THSD7B: variants seen among roughly 807,000 people sequenced by gnomAD.
The protein encoded by THSD7B is thrombospondin type-1 domain-containing protein 7B.
In THSD7B, 138 loss-of-function variants were observed where a neutral mutation model predicts 213.6. The ratio of observed to expected loss-of-function variants is 0.65; its 90% CI spans 0.56 to 0.74. The LOEUF is 0.74. Among genes scored for constraint, THSD7B ranks in the 30% least tolerant of loss-of-function variants. The pLI is 0.00. For synonymous variants in THSD7B, 742 were observed against 687.0 expected, an observed-to-expected ratio of 1.08 and a Z score of -1.25; for missense variants, 1,931 against 1,991.5, an observed-to-expected ratio of 0.97 and a Z score of 0.58.
At chr2:137,572,585 G>A in intron 17 of THSD7B, 29 bp downstream of exon 17, 1 of 1,612,124 alleles carries the variant, frequency 6.2e-7, no homozygotes, top group South Asian at 1.1e-5. Flanking sequence ...TCAATGCTCT[G>A]ATAATCTATT....
chr2:137,414,046 G>A (rs1460664174), intron 14 of THSD7B, among the ~76,000 whole-genome samples: 3 of 152,148 alleles, frequency 2.0e-5, no homozygotes, highest in Non-Finnish European at 4.4e-5. Context: ...GCATGAATTT[G>A]TGGAGGGTTT....
Position 136,766,415 on chromosome 2 carries a change from G to C in THSD7B, c.-36+728G>C, listed in dbSNP as rs578160093. Among the ~76,000 whole-genome samples the C allele has an allele frequency of 6.6e-5, 10 of 152,134 alleles. No individual in the cohort carries two copies. The East Asian group carries it at 1.2e-3, about 18-fold the overall frequency. On this transcript the variant is annotated intron_variant, in intron 1 of 27. Transcript: ENST00000409968. ...GGGCTTGAGAGTGAGGGGCAGGGAG[G>C]GGGGGACAGGCATATTTTCTACTGC... is the stretch of plus-strand genomic sequence containing the variant.
At chr2:137,519,526 C>G (rs917548315) in intron 15 of THSD7B, among the ~76,000 whole-genome samples, 1 of 152,150 alleles carries the variant, frequency 6.6e-6, no homozygotes, top group African/African-American at 2.4e-5. Flanking sequence ...GAGGGTTCAT[C>G]AGAAACAGAA....
intron 16 of THSD7B, among the ~76,000 whole-genome samples, chr2:137,567,337 T>G (rs1021002896): frequency 1.3e-5 from 2 of 151,766 alleles, no homozygotes; most frequent in African/African-American, 4.8e-5. Flanking sequence ...CCCAGCTAAT[T>G]TTTGTATTTT....
At chr2:137,358,823 T>C (rs958360442) in intron 12 of THSD7B, among the ~76,000 whole-genome samples, 1 of 152,202 alleles carries the variant, frequency 6.6e-6, no homozygotes, top group Non-Finnish European at 1.5e-5. Context: ...ACCATGGCTT[T>C]AGTAGCTCTA....
chr2:137,609,875 G>A (rs1032514570), intron 17 of THSD7B, among the ~76,000 whole-genome samples: 2 of 152,132 alleles, frequency 1.3e-5, no homozygotes, highest in African/African-American at 4.8e-5. Context: ...TGGCACAAAT[G>A]GTGAGAGGTA....
intron 2 of THSD7B, among the ~76,000 whole-genome samples, chr2:136,894,544 A>G (rs531108578): frequency 3.9e-5 from 6 of 152,328 alleles, no homozygotes; most frequent in African/African-American, 1.2e-4. Flanking sequence ...TTGATATTCT[A>G]TGTTACATAC....
chr2:137,420,856 G>T (rs867351457), intron 14 of THSD7B, among the ~76,000 whole-genome samples: 32 of 152,306 alleles, frequency 2.1e-4, no homozygotes, highest in African/African-American at 1.4e-4. Flanking sequence ...CTAGGTCAAA[G>T]TCAAGGTGTA....
At chr2:137,399,758 GT>G (rs1415896391) in intron 12 of THSD7B, among the ~76,000 whole-genome samples, 1 of 151,954 alleles carries the variant, frequency 6.6e-6, no homozygotes, top group Non-Finnish European at 1.5e-5. Context: ...GAATAAGGAT[GT>G]TTTCATCAGT....
intron 15 of THSD7B, among the ~76,000 whole-genome samples, chr2:137,509,963 G>A (rs757816790): frequency 5.9e-5 from 9 of 151,950 alleles, no homozygotes; most frequent in African/African-American, 1.9e-4. Flanking sequence ...TTTATTGTTC[G>A]TTTGGTTTTA....
intron 1 of THSD7B, among the ~76,000 whole-genome samples, chr2:136,865,196 G>A (rs1012846697): frequency 2.0e-5 from 3 of 152,184 alleles, no homozygotes; most frequent in African/African-American, 7.2e-5. Context: ...CATGTCCAGA[G>A]AAAGGGGCCA....
intron 15 of THSD7B, among the ~76,000 whole-genome samples, chr2:137,502,363 GAGAA>G (rs1276002027): frequency 6.6e-5 from 10 of 152,004 alleles, no homozygotes; most frequent in Non-Finnish European, 1.3e-4. Context: ...CACATATAAA[GAGAA>G]AGAGAGAGAG....
At chr2:136,930,826 TAATC>T (rs889967704) in intron 2 of THSD7B, among the ~76,000 whole-genome samples, 16 of 149,666 alleles carry the variant, frequency 1.1e-4, no homozygotes, top group African/African-American at 1.7e-4. Context: ...AAATAGGAAA[TAATC>T]AATTATTATA....
At chr2:137,341,997 A>T (rs1684772623) in intron 12 of THSD7B, among the ~76,000 whole-genome samples, 1 of 151,178 alleles carries the variant, frequency 6.6e-6, no homozygotes, top group Admixed American at 6.6e-5. Context: ...GCTCCATATG[A>T]ATTTTAGGGT....
At chr2:137,309,669 C>CA (rs1683844369) in intron 12 of THSD7B, among the ~76,000 whole-genome samples, 1 of 151,996 alleles carries the variant, frequency 6.6e-6, no homozygotes, top group Admixed American at 6.6e-5. Flanking sequence ...CCCCACCCCA[C>CA]AACAGTCCCC....
At chr2:136,809,628 C>A (rs1682345341) in intron 1 of THSD7B, among the ~76,000 whole-genome samples, 1 of 152,298 alleles carries the variant, frequency 6.6e-6, no homozygotes, top group Non-Finnish European at 1.5e-5. Context: ...CAAAGTTAGA[C>A]ACTCTGGCCG....
chr2:136,803,682 G>A (rs1473873107), intron 1 of THSD7B, among the ~76,000 whole-genome samples: 1 of 152,222 alleles, frequency 6.6e-6, no homozygotes, highest in African/African-American at 2.4e-5. Context: ...TGGCTCACAT[G>A]ATTATGGAGC....
At chr2:136,815,622 A>G (rs1682456825) in intron 1 of THSD7B, among the ~76,000 whole-genome samples, 1 of 152,250 alleles carries the variant, frequency 6.6e-6, no homozygotes, top group Non-Finnish European at 1.5e-5. Flanking sequence ...AGACTAAAAT[A>G]TTTAAATAAA....
intron 2 of THSD7B, among the ~76,000 whole-genome samples, chr2:136,903,531 A>G (rs1002740955): frequency 6.6e-6 from 1 of 152,158 alleles, no homozygotes; most frequent in Admixed American, 6.5e-5. Flanking sequence ...CTCAAAGGTG[A>G]TGCTGCCACA....
Sources: allele counts gnomAD v4.1 joint callset (sites outside exome capture counted in the v4.1 genomes callset), GRCh38; gene constraint gnomAD v4.1.1; transcripts MANE v1.5; gene names NCBI Gene and HGNC (gene_info 2026-07-23, HGNC 2026-07-21).